Variants in MAP3K14 observed in about 807,000 individuals in gnomAD.
MAP3K14 encodes mitogen-activated protein kinase kinase kinase 14.
A neutral mutation model predicts 99.2 loss-of-function variants in MAP3K14; 16 were observed. The ratio of observed to expected loss-of-function variants is 0.16; its 90% CI spans 0.11 to 0.24. The LOEUF is 0.24. Ranked by LOEUF, MAP3K14 falls within the 10% of genes least tolerant of loss-of-function variation. MAP3K14 has a pLI of 1.00. For missense variants in MAP3K14, 784 were observed against 1,208.7 expected, an observed-to-expected ratio of 0.65 and a Z score of 5.21; for synonymous variants, 462 against 492.4, an observed-to-expected ratio of 0.94 and a Z score of 0.82.
chr17:45,309,396 C>T (rs2044454778), intron 1 of MAP3K14, among the ~76,000 whole-genome samples: 1 of 152,228 alleles, frequency 6.6e-6, no homozygotes, highest in Non-Finnish European at 1.5e-5. Context: ...AGTCATGGCT[C>T]CTGACCAGCA....
At chr17:45,278,481 T>A (rs536373473) in intron 6 of MAP3K14, among the ~76,000 whole-genome samples, 404 of 152,270 alleles carry the variant, frequency 2.7e-3, no homozygotes, top group Non-Finnish European at 3.3e-3. Context: ...TTTCTAAGCA[T>A]TAGTTATTCA....
chr17:45,274,260 A>G lies in MAP3K14; in HGVS notation c.1421-6T>C, dbSNP rs749762643. 1.9e-6 allele frequency: 3 copies of G among 1,599,530 alleles called. No homozygotes were observed. In the Admixed American group the frequency reaches 5.2e-5, roughly 28 times the overall value. ...CAGCTGGCCCAGGGAGCCACCTAGG[A>G]GACCAAAGGCCAGGCTATACATGGG... is the stretch of plus-strand genomic sequence containing the variant. On this transcript the variant is annotated splice_region_variant and splice_polypyrimidine_tract_variant and intron_variant, in intron 7 of 15. Transcript: ENST00000344686.
chr17:45,269,079 C>T (rs901481243), intron 11 of MAP3K14, among the ~76,000 whole-genome samples: 3 of 152,084 alleles, frequency 2.0e-5, no homozygotes, highest in African/African-American at 7.2e-5. Context: ...TGCAGTGGTG[C>T]AATCATGGCT....
chr17:45,264,623 G>C lies in MAP3K14; in HGVS notation c.*13C>G. ...TGCTTCCGGCAGTGTGGAGCCGGCG[G>C]TGGAGGGCAGGGTTAGGGCCTGTTC... On this transcript the variant is annotated 3_prime_UTR_variant, in exon 16 of 16. Coordinates refer to ENST00000344686, the MANE Select transcript of MAP3K14 (RefSeq NM_003954.5). 6.4e-7 allele frequency: 1 copy of C among 1,563,964 alleles called. No homozygotes were observed. The highest frequency in any genetic ancestry group is 2.4e-5 in the East Asian group (1 of 42,028).
Position 45,286,407 on chromosome 17 carries a change from T to C in MAP3K14, c.1152+24A>G, listed in dbSNP as rs773087894. ...CCCAGGTTGCTGGTAGAGGGACATA[T>C]ACAGGTGCCGGGGGATTAGTTACCT... On this transcript the variant is annotated intron_variant, in intron 5 of 15. Transcript: ENST00000344686. The surrounding 1 kb of genome is among the most constrained non-coding windows in gnomAD (Gnocchi z 4.1). 7.7e-6 allele frequency: 12 copies of C among 1,562,264 alleles called. No homozygotes were observed. The highest frequency in any genetic ancestry group is 4.1e-5 in the African/African-American group (3 of 73,562).
chr17:45,291,296 C>CTGTGTG (rs10578692), intron 1 of MAP3K14, among the ~76,000 whole-genome samples: 2 of 149,748 alleles, frequency 1.3e-5, no homozygotes, highest in African/African-American at 4.9e-5. Flanking sequence ...AGGTAGATAT[C>CTGTGTG]TGTGTGTGTG....
intron 4 of MAP3K14, 35 bp from the exon 5 acceptor site, chr17:45,287,080 C>T (rs779280570): frequency 2.5e-6 from 4 of 1,603,418 alleles, no homozygotes; most frequent in Admixed American, 3.4e-5. Context: ...GCACAGAGGG[C>T]CAGGGCCCAG....
intron 1 of MAP3K14, among the ~76,000 whole-genome samples, chr17:45,294,169 C>G (rs1461542539): frequency 1.3e-5 from 2 of 152,242 alleles, no homozygotes; most frequent in Non-Finnish European, 1.5e-5. Flanking sequence ...GCCCTCTACT[C>G]TCTGCATAAG....
intron 3 of MAP3K14, 48 bp downstream of exon 3, chr17:45,289,188 C>T (rs2044291995): frequency 4.5e-6 from 7 of 1,564,154 alleles, no homozygotes; most frequent in Non-Finnish European, 6.2e-6. Context: ...GACGAGGGCG[C>T]TGGGTCCAGT....
intron 1 of MAP3K14, among the ~76,000 whole-genome samples, chr17:45,293,181 A>C (rs753973726): frequency 5.3e-5 from 8 of 152,234 alleles, no homozygotes; most frequent in Non-Finnish European, 8.8e-5. Context: ...CCGAATGCTG[A>C]GGAGGAAGAG....
At chr17:45,313,862 A>C (rs2044505512) in intron 1 of MAP3K14, among the ~76,000 whole-genome samples, 1 of 152,236 alleles carries the variant, frequency 6.6e-6, no homozygotes, top group Non-Finnish European at 1.5e-5. Context: ...TGACCTAGAT[A>C]TCAAGAAAAG....
At chr17:45,277,363 A>C (rs1459417083) in intron 6 of MAP3K14, among the ~76,000 whole-genome samples, 1 of 152,088 alleles carries the variant, frequency 6.6e-6, no homozygotes, top group Non-Finnish European at 1.5e-5. Flanking sequence ...GTAAGCCTTG[A>C]GTAGCATCGC....
chr17:45,309,967 T>C (rs1292877740), intron 1 of MAP3K14, among the ~76,000 whole-genome samples: 3 of 151,702 alleles, frequency 2.0e-5, no homozygotes, highest in African/African-American at 7.3e-5. Context: ...GTGGAGACTG[T>C]TGGGCAGGAC....
chr17:45,270,636 C>T lies in MAP3K14; in HGVS notation c.1822-73G>A, dbSNP rs907425413. On this transcript the variant is annotated intron_variant, in intron 10 of 15. Coordinates refer to ENST00000344686, the MANE Select transcript of MAP3K14 (RefSeq NM_003954.5). ...GATACCCGGCTGTTATTGCTCTTTG[C>T]GCAACTCCCGCCGGCCCCTGTTCCC... 47 of 1,454,032 alleles carry T rather than the reference C, an allele frequency of 3.2e-5. No homozygotes were observed. In the Middle Eastern group the frequency reaches 9.2e-4, roughly 28 times the overall value. 90.1% of individuals were successfully genotyped at this position (1,454,032 alleles called of 1,614,324 possible).
At chr17:45,266,762 G>T in intron 13 of MAP3K14, 81 bp from the exon 14 acceptor site, 3 of 1,461,844 alleles carry the variant, frequency 2.1e-6, no homozygotes, top group Non-Finnish European at 2.8e-6. Flanking sequence ...TTGGGGAAAA[G>T]GGGCACTGCT....
chr17:45,301,233 G>A (rs2044385888), intron 1 of MAP3K14, among the ~76,000 whole-genome samples: 1 of 151,744 alleles, frequency 6.6e-6, no homozygotes, highest in Non-Finnish European at 1.5e-5. Context: ...GGAGGCCGAG[G>A]CAGGCAGATC....
Position 45,268,980 on chromosome 17 carries a change from C to CT in MAP3K14, c.1973-1222dup, listed in dbSNP as rs561067123. Among the ~76,000 whole-genome samples, 16 of 152,150 alleles carry CT rather than the reference C, an allele frequency of 1.1e-4. No homozygotes were observed. The East Asian group carries it at 2.1e-3, about 20-fold the overall frequency. ...AGCCCTACATCCCACCAACTTTCTG[C>CT]TTTTTTCCAGTCAAATGGCTCTTGA... On this transcript the variant is annotated intron_variant, in intron 11 of 15. Transcript: ENST00000344686.
At chr17:45,283,208 ACT>A (rs2143812378) in intron 6 of MAP3K14, among the ~76,000 whole-genome samples, 1 of 151,830 alleles carries the variant, frequency 6.6e-6, no homozygotes, top group East Asian at 1.9e-4. Context: ...GTCTCTTCAC[ACT>A]CTCACACTCT....
intron 11 of MAP3K14, among the ~76,000 whole-genome samples, chr17:45,270,019 C>G (rs1285698233): frequency 1.3e-5 from 2 of 152,074 alleles, no homozygotes; most frequent in Non-Finnish European, 2.9e-5. Context: ...GGATCTGATG[C>G]TACCTCCAGG....
Sources: allele counts gnomAD v4.1 joint callset (sites outside exome capture counted in the v4.1 genomes callset), GRCh38; gene constraint gnomAD v4.1.1; non-coding constraint Gnocchi (gnomAD v3.1); transcripts MANE v1.5; gene names NCBI Gene and HGNC (gene_info 2026-07-23, HGNC 2026-07-21).